The following PTPRT variants were observed in gnomAD, a reference collection of about 807,000 sequenced individuals.
The protein encoded by PTPRT is protein tyrosine phosphatase receptor type T.
PTPRT carries 56 observed loss-of-function variants against 176.8 expected under a neutral mutation model. That is an observed-to-expected ratio of 0.32 (90% confidence interval 0.26 to 0.40). PTPRT has a LOEUF of 0.40. Ranked by LOEUF, PTPRT falls within the 10% of genes least tolerant of loss-of-function variation. The pLI is 1.00. For missense variants in PTPRT, 1,540 were observed against 1,908.2 expected (o/e 0.81, Z 3.60); for synonymous variants, 783 against 739.0 (o/e 1.06, Z -0.96).
intron 6 of PTPRT, among the ~76,000 whole-genome samples, chr20:42,725,041 G>A (rs1260561475): frequency 6.9e-6 from 1 of 145,168 alleles, no homozygotes; most frequent in Admixed American, 6.9e-5. Context: ...GTGTGTGTGT[G>A]TTTGAGACTG....
At position 42,618,512 on chromosome 20, in the gene PTPRT, G is replaced by A. The variant is rs1193177756; in HGVS notation, c.1153+59354C>T. Among the ~76,000 whole-genome samples the A allele has an allele frequency of 1.0e-4, 14 of 134,186 alleles. 1 individual carries two copies. The highest frequency in any genetic ancestry group is 2.0e-4 in the East Asian group (1 of 5,040). The allele number at this position is 134,186 out of a possible 152,430, so 88.0% of individuals were successfully genotyped here. On this transcript the variant is annotated intron_variant, in intron 7 of 30. Coordinates refer to ENST00000373187, the MANE Select transcript of PTPRT (RefSeq NM_007050.6). ...GGGTATCCTTGTTGACTTTCTGTCC[G>A]TTGATCTGTCTAATGTTGACAGGGG...
At chr20:42,053,328 A>C in the PTPRT span, among the ~76,000 whole-genome samples, 10 of 152,326 alleles carry the variant, frequency 6.6e-5, no homozygotes, top group African/African-American at 2.4e-4. Context: ...TGATGGGACA[A>C]TGACAACACA....
chr20:43,119,422 A>C lies in PTPRT; in HGVS notation c.88+70224T>G, dbSNP rs918330662. Among the ~76,000 whole-genome samples, 51 of 152,054 alleles carry C rather than the reference A, an allele frequency of 3.4e-4. 2 individuals carry two copies. Among genetic ancestry groups the C allele is most frequent in the Non-Finnish European group, 2.9e-5 (2 of 68,012 alleles). On this transcript the variant is annotated intron_variant, in intron 1 of 30. Transcript: ENST00000373187. Reference sequence around the variant, plus strand: ...TTTCTTCTATTGTTCTATTTTATTCATTCTTTTCTTATAAGTAAGTTGTCC... The same window carrying C: ...TTTCTTCTATTGTTCTATTTTATTCCTTCTTTTCTTATAAGTAAGTTGTCC...
chr20:42,552,433 GA>G (rs771540306), intron 7 of PTPRT, among the ~76,000 whole-genome samples: 1 of 152,062 alleles, frequency 6.6e-6, no homozygotes, highest in Non-Finnish European at 1.5e-5. Flanking sequence ...TTAAGTGTGT[GA>G]AAAATATCCA....
At position 42,911,382 on chromosome 20, in the gene PTPRT, T is replaced by C. The variant is rs563622635; in HGVS notation, c.89-25450A>G. On this transcript the variant is annotated intron_variant, in intron 1 of 30. Coordinates refer to ENST00000373187, the MANE Select transcript of PTPRT (RefSeq NM_007050.6). ...ATTATTATTAGGAATACAGTACCTATAAAATGTATTCATAATTTAACAACA... is the reference window on the plus strand; with the variant it reads ...ATTATTATTAGGAATACAGTACCTACAAAATGTATTCATAATTTAACAACA... 1.8e-4 allele frequency among the ~76,000 whole-genome samples: 27 copies of C among 152,266 alleles called. No individual in the cohort carries two copies. In the East Asian group the frequency reaches 5.0e-3, roughly 28 times the overall value.
intron 9 of PTPRT, among the ~76,000 whole-genome samples, chr20:42,408,532 A>G (rs1299424545): frequency 6.6e-6 from 1 of 152,140 alleles, no homozygotes; most frequent in Non-Finnish European, 1.5e-5. Flanking sequence ...TACAAGGCAT[A>G]TGAAGAATGA....
chr20:42,848,889 A>G (rs1295657491), intron 2 of PTPRT, among the ~76,000 whole-genome samples: 1 of 152,174 alleles, frequency 6.6e-6, no homozygotes. Flanking sequence ...TCTTTGCTTA[A>G]GCCAATGTCT....
rs565606247 is a variant in PTPRT, at chr20:42,179,963, G to C, written c.2492-18421C>G. The stretch of plus-strand genomic sequence containing the variant: ...TGCTAGATCATCTTGAGCTAAAGAA[G>C]ATCAGGGTCAGCACCAAGGACAGAT... On this transcript the variant is annotated intron_variant, in intron 16 of 30. Transcript: ENST00000373187. 9.9e-4 allele frequency among the ~76,000 whole-genome samples: 151 copies of C among 152,316 alleles called. 1 individual carries two copies. Among genetic ancestry groups the C allele is most frequent in the Non-Finnish European group, 2.0e-3 (138 of 68,034 alleles).
intron 14 of PTPRT, among the ~76,000 whole-genome samples, chr20:42,242,343 A>G (rs1361459454): frequency 6.6e-6 from 1 of 152,232 alleles, no homozygotes; most frequent in Non-Finnish European, 1.5e-5. Context: ...CCCATTCAAC[A>G]TGTTTTTAGG....
chr20:42,678,232 C>A (rs564638423), intron 6 of PTPRT, 73 bp from the exon 7 acceptor site: 2 of 1,424,828 alleles, frequency 1.4e-6, no homozygotes, highest in South Asian at 2.6e-5. Context: ...CACATGACGA[C>A]AAGGGACAGA....
intron 23 of PTPRT, among the ~76,000 whole-genome samples, chr20:42,107,786 G>GACAC (rs1041034301): frequency 6.6e-6 from 1 of 152,168 alleles, no homozygotes; most frequent in African/African-American, 2.4e-5. Context: ...GATGTCAAAA[G>GACAC]ACACACAAAG....
intron 11 of PTPRT, among the ~76,000 whole-genome samples, chr20:42,340,347 G>A (rs1028761270): frequency 3.3e-5 from 5 of 152,288 alleles, no homozygotes; most frequent in African/African-American, 1.2e-4. Flanking sequence ...TTCTTCGTAA[G>A]CCTATACCTA....
chr20:42,608,733 G>A (rs1163960514), intron 7 of PTPRT, among the ~76,000 whole-genome samples: 1 of 152,148 alleles, frequency 6.6e-6, no homozygotes, highest in African/African-American at 2.4e-5. Context: ...CCTGGAGCAC[G>A]GACTTAGGGT....
chr20:42,793,426 C>T (rs768355439), intron 2 of PTPRT, among the ~76,000 whole-genome samples: 3 of 152,204 alleles, frequency 2.0e-5, no homozygotes, highest in Non-Finnish European at 4.4e-5. Context: ...TAAGTGAGAA[C>T]ATGCCGTATT....
chr20:42,434,269 C>T (rs926053459), intron 9 of PTPRT, among the ~76,000 whole-genome samples: 1 of 152,068 alleles, frequency 6.6e-6, no homozygotes, highest in Non-Finnish European at 1.5e-5. Context: ...ATAGCGATGT[C>T]GATATTTGAA....
At chr20:42,641,761 G>C (rs1461618530) in intron 7 of PTPRT, among the ~76,000 whole-genome samples, 1 of 152,130 alleles carries the variant, frequency 6.6e-6, no homozygotes, top group Non-Finnish European at 1.5e-5. Flanking sequence ...GAGTGGTAAA[G>C]AGAGGCAAGG....
chr20:43,102,885 A>G (rs551738653), intron 1 of PTPRT, among the ~76,000 whole-genome samples: 1 of 152,316 alleles, frequency 6.6e-6, no homozygotes, highest in South Asian at 2.1e-4. Flanking sequence ...CTCAAGGTGT[A>G]CTTTGGGGGA....
At chr20:42,879,205 C>G (rs118154340) in intron 2 of PTPRT, among the ~76,000 whole-genome samples, 2 of 152,168 alleles carry the variant, frequency 1.3e-5, no homozygotes, top group African/African-American at 4.8e-5. Flanking sequence ...TGGCTTAAGA[C>G]AACAGAAACC....
Position 42,170,452 on chromosome 20 carries a change from T to G in PTPRT, c.2492-8910A>C, listed in dbSNP as rs79258405. 8.5e-3 allele frequency among the ~76,000 whole-genome samples: 1,290 copies of G among 152,242 alleles called. 19 individuals are homozygous for G. Among genetic ancestry groups the G allele is most frequent in the African/African-American group, 0.029 (1,201 of 41,542 alleles). ...AAATAATAAGACTAAGACAACAGACTTTTCCCAAAATAGATCAAGTTAAGA... is the reference window on the plus strand; with the variant it reads ...AAATAATAAGACTAAGACAACAGACGTTTCCCAAAATAGATCAAGTTAAGA... On this transcript the variant is annotated intron_variant, in intron 16 of 30. Transcript: ENST00000373187.
Sources: gnomAD v4.1 joint callset for allele counts (sites outside exome capture counted in the v4.1 genomes callset) on GRCh38, gnomAD v4.1.1 for gene constraint, MANE v1.5 for transcripts, NCBI Gene and HGNC (gene_info 2026-07-23, HGNC 2026-07-21) for gene names.